The following MACF1 variants were observed in gnomAD, a reference collection of about 807,000 sequenced individuals.
MACF1 encodes the protein microtubule-actin cross-linking factor 1.
MACF1 carries 193 observed loss-of-function variants against 854.8 expected under a neutral mutation model. The observed-to-expected ratio is 0.23, with a 90% CI of 0.20 to 0.25. The LOEUF (loss-of-function observed/expected upper bound fraction) is 0.25. Among genes scored for constraint, MACF1 ranks in the 10% least tolerant of loss-of-function variants. The pLI, the probability that MACF1 is intolerant of heterozygous loss-of-function variation, is 1.00. For missense variants in MACF1, 7,722 were observed against 8,929.1 expected (o/e 0.86, Z 5.45); for synonymous variants, 3,185 against 3,226.7 (o/e 0.99, Z 0.44).
In MACF1 at chr1:39,311,003, A is replaced by G; in HGVS notation, c.3270+3A>G. ...CATTAAGGATTGCAGAGCAAGAGGT[A>G]AGCCCTAAGAGCCATGTGGATGCTG... On this transcript the variant is annotated splice_donor_region_variant and intron_variant, in intron 26 of 100. Coordinates refer to ENST00000564288, the MANE Select transcript of MACF1 (RefSeq NM_001394062.1). 2 of 1,611,272 alleles carry G rather than the reference A, an allele frequency of 1.2e-6. No homozygotes were observed. Among genetic ancestry groups the G allele is most frequent in the Non-Finnish European group, 1.7e-6 (2 of 1,178,836 alleles).
intron 23 of MACF1, among the ~76,000 whole-genome samples, chr1:39,308,251 A>G (rs1646230882): frequency 6.6e-6 from 1 of 152,092 alleles, no homozygotes; most frequent in Admixed American, 6.5e-5. Context: ...CTTGCTTTTA[A>G]GAATTCCCAT....
chr1:39,147,256 C>G (rs2148191600), intron 2 of MACF1, among the ~76,000 whole-genome samples: 1 of 149,974 alleles, frequency 6.7e-6, no homozygotes, highest in East Asian at 2.0e-4. Flanking sequence ...TCTCTCTTTT[C>G]CTTCCTTCCT....
intron 23 of MACF1, chr1:39,304,529 G>T: frequency 2.5e-6 from 3 of 1,202,894 alleles, no homozygotes; most frequent in Non-Finnish European, 3.6e-6. Flanking sequence ...TTTGGTTACA[G>T]TTTCAGCAAC....
chr1:39,454,766 C>T (rs1034369042), intron 88 of MACF1, 143 bp from the exon 89 acceptor site: 1 of 710,916 alleles, frequency 1.4e-6, no homozygotes, highest in East Asian at 2.8e-5. Flanking sequence ...TGCCACTACA[C>T]TCCAGTGTGG....
rs374071462 is a variant in MACF1, at chr1:39,167,655, A to G, written c.221-63527A>G. 4.1e-3 allele frequency among the ~76,000 whole-genome samples: 631 copies of G among 152,096 alleles called. 5 individuals are homozygous for G. Among genetic ancestry groups the G allele is most frequent in the African/African-American group, 0.014 (569 of 41,504 alleles). On this transcript the variant is annotated intron_variant, in intron 2 of 93. Transcript: ENST00000361689. Reference sequence around the variant, plus strand: ...TGGGAGGCAGAGGTTGTGGTGAGCCAAGATCATGCCATTGCACTCCAGCCT... The same window carrying G: ...TGGGAGGCAGAGGTTGTGGTGAGCCGAGATCATGCCATTGCACTCCAGCCT...
chr1:39,462,495 A>G (rs1430097103), intron 93 of MACF1, among the ~76,000 whole-genome samples: 1 of 151,828 alleles, frequency 6.6e-6, no homozygotes, highest in Non-Finnish European at 1.5e-5. Context: ...ACTGGAGCCC[A>G]GGAGTTCGAG....
At chr1:39,478,872 GCA>G (rs1168752790) in intron 97 of MACF1, among the ~76,000 whole-genome samples, 1 of 152,200 alleles carries the variant, frequency 6.6e-6, no homozygotes, top group Admixed American at 6.5e-5. Context: ...CATAAAGAGT[GCA>G]CAGTTTAGGG....
At chr1:39,147,623 T>C (rs1643497485) in intron 2 of MACF1, among the ~76,000 whole-genome samples, 1 of 151,678 alleles carries the variant, frequency 6.6e-6, no homozygotes, top group Non-Finnish European at 1.5e-5. Context: ...AGGCTCAAGC[T>C]CTCCTCCTGC....
chr1:39,123,711 T>TA (rs201741303), intron 2 of MACF1, among the ~76,000 whole-genome samples: 13,220 of 94,120 alleles, frequency 0.14, 1,161 homozygotes, highest in Admixed American at 0.2. Flanking sequence ...GGCTAATTCT[T>TA]GTTTTGTTTT....
At chr1:39,362,695 C>T (rs1648303875) in intron 49 of MACF1, among the ~76,000 whole-genome samples, 1 of 152,136 alleles carries the variant, frequency 6.6e-6, no homozygotes, top group African/African-American at 2.4e-5. Context: ...TGTCCCCTAT[C>T]TGAAATCAGC....
intron 49 of MACF1, among the ~76,000 whole-genome samples, chr1:39,366,615 T>A (rs886942507): frequency 2.0e-5 from 3 of 152,192 alleles, no homozygotes; most frequent in African/African-American, 7.2e-5. Flanking sequence ...TGTGTGTTAA[T>A]TTTATAGCCT....
intron 58 of MACF1, among the ~76,000 whole-genome samples, chr1:39,408,994 C>T (rs1262553886): frequency 1.3e-5 from 2 of 152,010 alleles, no homozygotes; most frequent in Admixed American, 6.5e-5. Context: ...CGCGCGCTCC[C>T]TGGCTTCCAG....
rs1460397638 is a variant in MACF1, at chr1:39,291,818, A to G, written c.1786-92A>G. 3 of 1,349,846 alleles carry G rather than the reference A, an allele frequency of 2.2e-6. No homozygotes were observed. The African/African-American group carries it at 4.4e-5, about 20-fold the overall frequency. The allele number at this position is 1,349,846 out of a possible 1,614,324, so 83.6% of individuals were successfully genotyped here. ...TGGATGTCCTTTTGCTCAGTCCTCT[A>G]CCCCTTGGTTCCTTGTCCTAACATT... On this transcript the variant is annotated intron_variant, in intron 15 of 100. Transcript: ENST00000564288.
chr1:39,479,867 C>T lies in MACF1; in HGVS notation c.22028C>T (p.Thr7343Ile), dbSNP rs1644982361. 3 of 1,614,222 alleles carry T rather than the reference C, an allele frequency of 1.9e-6. No homozygotes were observed. The highest frequency in any genetic ancestry group is 1.7e-5 in the Admixed American group (1 of 60,024). ...ILPEGASQGM[T>I]PFRSRGRRSK... is the part of the protein sequence containing the mutation. ...CCAGAGGGAGCATCCCAGGGAATGA[C>T]CCCCTTCCGCTCACGGGGTCGAAGG... is the stretch of plus-strand genomic sequence containing the variant. The change falls in exon 98 of 101, where the codon ACC (threonine) becomes ATC (isoleucine). Residue 7343 changes from threonine to isoleucine, a missense_variant. This residue lies in a region of MACF1 where 153 missense variants were observed against 342.5 expected (regional missense o/e 0.45). Transcript: ENST00000564288.
Position 39,385,867 on chromosome 1 carries a change from A to T in MACF1, c.14282A>T (p.Asp4761Val). Reference protein sequence around the residue: ...SVLIGEQYLKDELKKRLETVA... With the variant: ...SVLIGEQYLKVELKKRLETVA... ...CTCATTGGTGAGCAGTACCTCAAGG[A>T]TGAACTGAAGAAGCGTTTGGAGACA... Residue 4761 changes from aspartate (D) to valine (V), a missense_variant, in exon 57 of 101, where the codon GAT becomes GTT. Around this residue, in one of 15 missense-constraint regions of MACF1, gnomAD observed 2,807 missense variants for 3,235.8 expected, o/e 0.87. Transcript: ENST00000564288. The T allele has an allele frequency of 6.2e-7, 1 of 1,614,156 alleles. No homozygotes were observed. The highest frequency in any genetic ancestry group is 1.1e-5 in the South Asian group (1 of 91,076).
intron 58 of MACF1, among the ~76,000 whole-genome samples, chr1:39,397,796 A>G (rs1386351945): frequency 6.6e-6 from 1 of 152,224 alleles, no homozygotes; most frequent in Admixed American, 6.5e-5. Context: ...TCACCATCAT[A>G]AAGTTGAAAA....
At chr1:39,103,307 C>A in intron 2 of MACF1, 1 of 305,770 alleles carries the variant, frequency 3.3e-6, no homozygotes, top group Non-Finnish European at 6.3e-6. Flanking sequence ...CGTGTAGCAG[C>A]CCCAGGTGGG....
rs779350082 is a variant in MACF1 at position 39,387,293 on chromosome 1, A to G, written c.14451A>G (p.Ala4817=). ...TGGATGATAAACAAAGCCAGCAAGC[A>G]AAAAACTGCCCAATTTCTGCAAAAT... ...TWLDDKQSQQ[A]KNCPISAKLE... Residue 4817 remains alanine (A), a synonymous_variant, in exon 58 of 101, where the codon GCA becomes GCG. Transcript: ENST00000564288. The G allele has an allele frequency of 3.7e-6, 6 of 1,614,226 alleles. No homozygotes were observed. The South Asian group carries it at 5.5e-5, about 15-fold the overall frequency.
At chr1:39,195,336 C>T (rs559756946) in intron 2 of MACF1, among the ~76,000 whole-genome samples, 1 of 152,266 alleles carries the variant, frequency 6.6e-6, no homozygotes, top group South Asian at 2.1e-4. Context: ...TTCTAGTGTG[C>T]ACCCGCCCCC....
Sources: gnomAD v4.1 joint callset for allele counts (sites outside exome capture counted in the v4.1 genomes callset) on GRCh38, gnomAD v4.1.1 for gene constraint, gnomAD v4.1.1 regional missense constraint, MANE v1.5 for transcripts, NCBI Gene and HGNC (gene_info 2026-07-23, HGNC 2026-07-21) for gene names.